The following GLIS3 variants were observed in gnomAD, a reference collection of about 807,000 sequenced individuals.
GLIS3 encodes the protein zinc finger protein GLIS3.
In GLIS3, 53 loss-of-function variants were observed where a neutral mutation model predicts 78.6. That is an observed-to-expected ratio of 0.67 (90% CI 0.54 to 0.85). The LOEUF (loss-of-function observed/expected upper bound fraction) is 0.85. Among genes scored for constraint, GLIS3 ranks in the 40% least tolerant of loss-of-function variants. The probability of loss-of-function intolerance (pLI) is 0.00; values close to 1 mark genes in which losing one functional copy is unlikely to be tolerated. For synonymous variants in GLIS3, 684 were observed against 509.9 expected (o/e 1.34, Z -4.60); for missense variants, 1,703 against 1,231.1 (o/e 1.38, Z -5.74).
chr9:4,384,910 A>T, the GLIS3 span, among the ~76,000 whole-genome samples: 1 of 151,944 alleles, frequency 6.6e-6, no homozygotes, highest in Admixed American at 6.5e-5. Context: ...GTTGCACAAC[A>T]TTGGGTCCTA....
intron 5 of GLIS3, among the ~76,000 whole-genome samples, chr9:3,936,591 A>G (rs894679579): frequency 6.6e-6 from 1 of 152,034 alleles, no homozygotes; most frequent in Non-Finnish European, 1.5e-5. Flanking sequence ...GTTCTATGTC[A>G]AGAGGGAAAG....
chr9:4,062,161 G>T (rs1394929420), intron 4 of GLIS3, among the ~76,000 whole-genome samples: 3 of 152,174 alleles, frequency 2.0e-5, no homozygotes, highest in Admixed American at 2.0e-4. Flanking sequence ...GTTCTTTGAC[G>T]CAAAGGAGCT....
intron 2 of GLIS3, among the ~76,000 whole-genome samples, chr9:4,259,190 G>A (rs1289078206): frequency 1.3e-5 from 2 of 152,070 alleles, no homozygotes; most frequent in Admixed American, 1.3e-4. Flanking sequence ...TGGTAATATG[G>A]AGAAACTTCA....
At chr9:3,961,363 A>C (rs1194821360) in intron 4 of GLIS3, among the ~76,000 whole-genome samples, 4 of 152,200 alleles carry the variant, frequency 2.6e-5, no homozygotes, top group Non-Finnish European at 5.9e-5. Context: ...ACAGGCTTGA[A>C]TCTGATATGT....
At chr9:4,474,705 T>C in the GLIS3 span, among the ~76,000 whole-genome samples, 554 of 151,304 alleles carry the variant, frequency 3.7e-3, 4 homozygotes, top group African/African-American at 0.013. Context: ...CAATTTTTTT[T>C]TTTTTTTTTG....
chr9:4,378,162 T>C, the GLIS3 span, among the ~76,000 whole-genome samples: 1 of 152,090 alleles, frequency 6.6e-6, no homozygotes, highest in Non-Finnish European at 1.5e-5. Context: ...AGAAGCTCAA[T>C]TATGAAAGTA....
intron 4 of GLIS3, among the ~76,000 whole-genome samples, chr9:4,115,703 AG>A (rs1831587549): frequency 6.6e-6 from 1 of 152,180 alleles, no homozygotes; most frequent in Admixed American, 6.5e-5. Flanking sequence ...ATGTTTTAGA[AG>A]AAAATGAAGG....
At chr9:4,246,622 C>T (rs1190730772) in intron 2 of GLIS3, among the ~76,000 whole-genome samples, 8 of 152,162 alleles carry the variant, frequency 5.3e-5, no homozygotes, top group Non-Finnish European at 1.2e-4. Flanking sequence ...GACTGGAGTT[C>T]AGTATCCCCA....
At chr9:4,215,735 C>G (rs574610487) in intron 2 of GLIS3, among the ~76,000 whole-genome samples, 1 of 152,186 alleles carries the variant, frequency 6.6e-6, no homozygotes, top group Non-Finnish European at 1.5e-5. Context: ...AATTTAACCA[C>G]TTCAAAGTTT....
intron 4 of GLIS3, among the ~76,000 whole-genome samples, chr9:3,989,273 A>C (rs536733430): frequency 2.0e-5 from 3 of 152,202 alleles, no homozygotes; most frequent in Non-Finnish European, 4.4e-5. Context: ...GATGTGAAGA[A>C]ACTGGATCAC....
intron 2 of GLIS3, among the ~76,000 whole-genome samples, chr9:4,220,746 C>G (rs577019066): frequency 4.6e-5 from 7 of 151,642 alleles, no homozygotes; most frequent in African/African-American, 1.7e-4. Flanking sequence ...AAAAAAAAAG[C>G]TATCATCAAA....
At chr9:4,171,340 A>T (rs1816357516) in intron 2 of GLIS3, among the ~76,000 whole-genome samples, 1 of 152,220 alleles carries the variant, frequency 6.6e-6, no homozygotes, top group African/African-American at 2.4e-5. Flanking sequence ...CCTAGTAATA[A>T]GAAAGATTCC....
At chr9:4,260,839 C>G (rs1304298927) in intron 2 of GLIS3, among the ~76,000 whole-genome samples, 1 of 152,192 alleles carries the variant, frequency 6.6e-6, no homozygotes, top group Non-Finnish European at 1.5e-5. Context: ...CCTGAAACCT[C>G]TCTCTCTTTC....
At chr9:4,108,615 G>C (rs1459152734) in intron 4 of GLIS3, among the ~76,000 whole-genome samples, 1 of 152,136 alleles carries the variant, frequency 6.6e-6, no homozygotes. Flanking sequence ...TGTGGAAAGA[G>C]AGTGACAAAA....
At chr9:4,027,730 T>C (rs985568200) in intron 4 of GLIS3, among the ~76,000 whole-genome samples, 2 of 152,202 alleles carry the variant, frequency 1.3e-5, no homozygotes, top group Non-Finnish European at 2.9e-5. Context: ...TAGAATCCTG[T>C]TCTATCCAGC....
chr9:3,851,769 A>G (rs1819448485), intron 9 of GLIS3, among the ~76,000 whole-genome samples: 2 of 152,250 alleles, frequency 1.3e-5, no homozygotes, highest in African/African-American at 2.4e-5. Flanking sequence ...ACACAGAGCA[A>G]TCTACATTTC....
intron 8 of GLIS3, among the ~76,000 whole-genome samples, chr9:3,869,320 A>G (rs1055119820): frequency 6.6e-6 from 1 of 152,076 alleles, no homozygotes; most frequent in South Asian, 2.1e-4. Context: ...TAAGATACCA[A>G]CATCGCTGAT....
intron 2 of GLIS3, among the ~76,000 whole-genome samples, chr9:4,154,267 A>G (rs12553203): frequency 0.26 from 39,251 of 152,142 alleles, 7,154 homozygotes; most frequent in African/African-American, 0.52. Context: ...CTCTTGACAT[A>G]AGAGTGGGAG....
the GLIS3 span, among the ~76,000 whole-genome samples, chr9:4,361,431 C>A: frequency 1.3e-5 from 2 of 152,224 alleles, no homozygotes; most frequent in Non-Finnish European, 2.9e-5. Context: ...TGTTCCCTTT[C>A]CTGTGGAACC....
Sources: allele counts gnomAD v4.1 joint callset (sites outside exome capture counted in the v4.1 genomes callset), GRCh38; gene constraint gnomAD v4.1.1; transcripts MANE v1.5; gene names NCBI Gene and HGNC (gene_info 2026-07-23, HGNC 2026-07-21).